The following ZNF385D variants were observed in gnomAD, a reference collection of about 807,000 sequenced individuals.
ZNF385D encodes the protein zinc finger protein 659.
ZNF385D carries 15 observed loss-of-function variants against 35.8 expected under a neutral mutation model. The observed-to-expected ratio is 0.42, with a 90% CI of 0.28 to 0.64. The LOEUF is 0.64. Ranked by LOEUF, ZNF385D falls within the 30% of genes least tolerant of loss-of-function variation. The pLI, the probability that ZNF385D is intolerant of heterozygous loss-of-function variation, is 0.23. For synonymous variants in ZNF385D, 212 were observed against 186.8 expected, an observed-to-expected ratio of 1.13 and a Z score of -1.10; for missense variants, 474 against 494.6, an observed-to-expected ratio of 0.96 and a Z score of 0.39.
At chr3:22,155,781 A>G (rs554218982) in intron 3 of ZNF385D, among the ~76,000 whole-genome samples, 1 of 152,298 alleles carries the variant, frequency 6.6e-6, no homozygotes, top group African/African-American at 2.4e-5. Flanking sequence ...TCATTAAAAA[A>G]CAATGGAGAG....
intron 3 of ZNF385D, among the ~76,000 whole-genome samples, chr3:21,854,516 A>G (rs1453015972): frequency 6.6e-6 from 1 of 151,942 alleles, no homozygotes; most frequent in Non-Finnish European, 1.5e-5. Flanking sequence ...TAGACATCTT[A>G]AAATTCTTAA....
intron 1 of ZNF385D, among the ~76,000 whole-genome samples, chr3:21,735,732 C>CCT (rs1457713064): frequency 1.3e-5 from 2 of 152,186 alleles, no homozygotes; most frequent in Non-Finnish European, 2.9e-5. Context: ...AACTGCAAGG[C>CCT]ATAGTACAAA....
chr3:21,673,142 A>C (rs2066625049), intron 1 of ZNF385D, among the ~76,000 whole-genome samples: 1 of 152,152 alleles, frequency 6.6e-6, no homozygotes. Flanking sequence ...ATTAAATTTC[A>C]CACCATGAAT....
chr3:22,087,297 C>T lies in ZNF385D; in HGVS notation c.325+81520G>A, dbSNP rs1049235328. ...AGAATGTTAATTGTCTACCCATATCCATTTCCTCTAAGCCTTTTATTTATA... is the reference window on the plus strand; with the variant it reads ...AGAATGTTAATTGTCTACCCATATCTATTTCCTCTAAGCCTTTTATTTATA... On this transcript the variant is annotated intron_variant, in intron 3 of 5. Coordinates refer to the ZNF385D transcript ENST00000494108. Among the ~76,000 whole-genome samples the T allele has an allele frequency of 5.3e-5, 8 of 152,140 alleles. No homozygotes were observed. In the East Asian group the frequency reaches 1.5e-3, roughly 29 times the overall value.
chr3:21,424,154 A>G, intron 6 of ZNF385D, 90 bp from the exon 7 acceptor site: 2 of 1,181,418 alleles, frequency 1.7e-6, no homozygotes, highest in South Asian at 1.6e-5. Flanking sequence ...AAAGATATTC[A>G]TTATTTCATG....
At chr3:22,110,092 C>A (rs1165360876) in intron 3 of ZNF385D, among the ~76,000 whole-genome samples, 1 of 151,986 alleles carries the variant, frequency 6.6e-6, no homozygotes, top group East Asian at 1.9e-4. Context: ...AATGAGATAT[C>A]ATCTCACACC....
intron 3 of ZNF385D, among the ~76,000 whole-genome samples, chr3:22,062,087 G>A (rs1037396798): frequency 6.6e-6 from 1 of 152,022 alleles, no homozygotes; most frequent in Non-Finnish European, 1.5e-5. Flanking sequence ...GCCCAGGCTG[G>A]AGTGCAGTGG....
At chr3:22,142,472 G>A (rs1449475816) in intron 3 of ZNF385D, among the ~76,000 whole-genome samples, 1 of 152,136 alleles carries the variant, frequency 6.6e-6, no homozygotes, top group African/African-American at 2.4e-5. Flanking sequence ...TTCTGCTGAA[G>A]TTATGAACAA....
At chr3:21,552,931 A>G (rs1406871798) in intron 3 of ZNF385D, among the ~76,000 whole-genome samples, 6 of 152,192 alleles carry the variant, frequency 3.9e-5, no homozygotes, top group Admixed American at 2.0e-4. Context: ...TGTGATCACA[A>G]GGGTCTGTGA....
At chr3:21,555,315 C>T (rs749883004) in intron 3 of ZNF385D, among the ~76,000 whole-genome samples, 3 of 151,764 alleles carry the variant, frequency 2.0e-5, no homozygotes, top group Non-Finnish European at 4.4e-5. Context: ...TTGCTGCACC[C>T]ATCAACCTGT....
intron 4 of ZNF385D, among the ~76,000 whole-genome samples, chr3:21,481,337 C>CTCTA (rs1704614017): frequency 6.6e-6 from 1 of 152,152 alleles, no homozygotes; most frequent in African/African-American, 2.4e-5. Flanking sequence ...GAGTTCTGAA[C>CTCTA]TCTACACTAT....
chr3:21,876,915 T>C (rs812393), intron 3 of ZNF385D, among the ~76,000 whole-genome samples: 99,817 of 151,920 alleles, frequency 0.66, 33,030 homozygotes, highest in African/African-American at 0.71. Context: ...TTACATTATG[T>C]GTTTGCCCAT....
Position 22,189,194 on chromosome 3 carries a change from G to A in ZNF385D, c.107-20159C>T, listed in dbSNP as rs536227081. ...GGTCATCCCTGACTTCTTATGAACT[G>A]TGTTTCTCAACTGGGATTCTGAGAG... On this transcript the variant is annotated intron_variant, in intron 2 of 5. Coordinates refer to the ZNF385D transcript ENST00000494108. Among the ~76,000 whole-genome samples the A allele has an allele frequency of 2.0e-5, 3 of 152,232 alleles. No homozygotes were observed. In the East Asian group the frequency reaches 5.8e-4, roughly 29 times the overall value.
chr3:22,263,320 T>C lies in ZNF385D; in HGVS notation c.107-94285A>G, dbSNP rs567438277. Among the ~76,000 whole-genome samples, 17 of 152,124 alleles carry C rather than the reference T, an allele frequency of 1.1e-4. No homozygotes were observed. The South Asian group carries it at 2.1e-3, about 19-fold the overall frequency. ...TCATAAGCTTGTTCCACTTGGGGACTTTCCAACTTTCTGCTTCCTTCTTTC... is the reference window on the plus strand; with the variant it reads ...TCATAAGCTTGTTCCACTTGGGGACCTTCCAACTTTCTGCTTCCTTCTTTC... On this transcript the variant is annotated intron_variant, in intron 2 of 5. Transcript: ENST00000494108.
Position 22,326,800 on chromosome 3 carries a change from C to G in ZNF385D, c.106+45650G>C, listed in dbSNP as rs377569046. ...ACTAAATACATCTGTGTAAGGAACA[C>G]CCACATCAAGATACCGAACATTACC... On this transcript the variant is annotated intron_variant, in intron 2 of 5. Transcript: ENST00000494108. 6.6e-5 allele frequency among the ~76,000 whole-genome samples: 10 copies of G among 152,294 alleles called. No homozygotes were observed. In the South Asian group the frequency reaches 2.1e-3, roughly 32 times the overall value.
At chr3:22,039,930 A>C (rs1187623721) in intron 3 of ZNF385D, among the ~76,000 whole-genome samples, 6 of 152,106 alleles carry the variant, frequency 3.9e-5, no homozygotes, top group African/African-American at 1.4e-4. Flanking sequence ...CTGACTTTGA[A>C]TTGGATGTAG....
At chr3:22,312,141 T>C (rs747745412) in intron 2 of ZNF385D, among the ~76,000 whole-genome samples, 2 of 152,178 alleles carry the variant, frequency 1.3e-5, no homozygotes, top group Non-Finnish European at 1.5e-5. Context: ...TCATCATGTA[T>C]GGAATTTGAG....
intron 4 of ZNF385D, among the ~76,000 whole-genome samples, chr3:21,467,295 T>C (rs1015707620): frequency 1.3e-5 from 2 of 152,182 alleles, no homozygotes; most frequent in Admixed American, 6.6e-5. Flanking sequence ...GTTGCTGACA[T>C]TGTAGTTATT....
chr3:21,886,684 A>C (rs1397442260), intron 3 of ZNF385D, among the ~76,000 whole-genome samples: 1 of 152,172 alleles, frequency 6.6e-6, no homozygotes, highest in African/African-American at 2.4e-5. Context: ...TAGACAGCTG[A>C]TATATATTTA....
Sources: gnomAD v4.1 joint callset for allele counts (sites outside exome capture counted in the v4.1 genomes callset) on GRCh38, gnomAD v4.1.1 for gene constraint, MANE v1.5 for transcripts, NCBI Gene and HGNC (gene_info 2026-07-23, HGNC 2026-07-21) for gene names.